The following EYS variants were observed in gnomAD, a reference collection of about 807,000 sequenced individuals.
EYS encodes the protein protein eyes shut homolog.
EYS carries 250 observed loss-of-function variants against 282.1 expected under a neutral mutation model. The observed-to-expected ratio is 0.89, with a 90% CI of 0.80 to 0.98. EYS has a LOEUF of 0.98. EYS is among the 50% of genes least tolerant of loss of function. The pLI is 0.00. For missense variants in EYS, 4,016 were observed against 3,709.0 expected, an observed-to-expected ratio of 1.08 and a Z score of -2.15; for synonymous variants, 1,355 against 1,282.9, an observed-to-expected ratio of 1.06 and a Z score of -1.20.
At chr6:64,106,656 G>A (rs939912203) in intron 31 of EYS, among the ~76,000 whole-genome samples, 1 of 151,852 alleles carries the variant, frequency 6.6e-6, no homozygotes, top group Non-Finnish European at 1.5e-5. Flanking sequence ...CTGTGTGTGT[G>A]TTTTTGGCAT....
chr6:64,201,646 A>T (rs963459406), intron 31 of EYS, among the ~76,000 whole-genome samples: 1 of 152,168 alleles, frequency 6.6e-6, no homozygotes, highest in African/African-American at 2.4e-5. Context: ...AATAGATGTT[A>T]CACCTATCTA....
chr6:64,199,013 A>G (rs1765383481), intron 31 of EYS, among the ~76,000 whole-genome samples: 2 of 152,068 alleles, frequency 1.3e-5, no homozygotes, highest in South Asian at 4.1e-4. Flanking sequence ...TTTAATGATC[A>G]CCATTCTAAC....
intron 30 of EYS, among the ~76,000 whole-genome samples, chr6:64,284,203 C>A (rs990353500): frequency 1.3e-5 from 2 of 152,120 alleles, no homozygotes; most frequent in African/African-American, 4.8e-5. Context: ...AAGTTACTTC[C>A]TAGGTTCAAT....
intron 12 of EYS, among the ~76,000 whole-genome samples, chr6:65,226,599 C>G (rs1766632140): frequency 6.6e-6 from 1 of 152,092 alleles, no homozygotes. Context: ...AGAACAACAA[C>G]AACCATAAAA....
chr6:65,063,978 T>C (rs2150161212), intron 12 of EYS, among the ~76,000 whole-genome samples: 1 of 151,586 alleles, frequency 6.6e-6, no homozygotes, highest in South Asian at 2.1e-4. Flanking sequence ...ATTATTAATG[T>C]AATACTTTGT....
intron 21 of EYS, among the ~76,000 whole-genome samples, chr6:64,813,859 C>G (rs772306151): frequency 2.0e-5 from 3 of 151,914 alleles, no homozygotes; most frequent in Non-Finnish European, 4.4e-5. Context: ...CCCCTGCCCC[C>G]AATAATGGTG....
At chr6:65,139,125 T>C (rs545111280) in intron 12 of EYS, among the ~76,000 whole-genome samples, 1 of 152,080 alleles carries the variant, frequency 6.6e-6, no homozygotes, top group African/African-American at 2.4e-5. Context: ...TAAAGACTCA[T>C]GCACACATAT....
chr6:64,862,199 G>A (rs1766261830), intron 19 of EYS, among the ~76,000 whole-genome samples: 1 of 152,090 alleles, frequency 6.6e-6, no homozygotes, highest in Admixed American at 6.5e-5. Flanking sequence ...AGGTGAGGTG[G>A]TCTTTCATTT....
intron 12 of EYS, among the ~76,000 whole-genome samples, chr6:65,181,355 T>C (rs545113402): frequency 5.8e-4 from 88 of 151,890 alleles, no homozygotes; most frequent in African/African-American, 1.8e-3. Flanking sequence ...TCAAACAAAT[T>C]TACAAGAAAA....
intron 41 of EYS, 37 bp downstream of exon 41, chr6:63,762,424 T>C: frequency 5.2e-6 from 8 of 1,540,122 alleles, no homozygotes; most frequent in Non-Finnish European, 7.0e-6. Flanking sequence ...TTTAGTTATA[T>C]TTGTGGACAG....
At chr6:63,860,011 C>T (rs1385114219) in intron 36 of EYS, among the ~76,000 whole-genome samples, 1 of 152,146 alleles carries the variant, frequency 6.6e-6, no homozygotes, top group Non-Finnish European at 1.5e-5. Context: ...GGCAAAGTCC[C>T]AGATGTTATT....
intron 37 of EYS, among the ~76,000 whole-genome samples, chr6:63,797,031 T>C (rs1770663450): frequency 2.0e-5 from 3 of 152,202 alleles, no homozygotes; most frequent in Non-Finnish European, 4.4e-5. Context: ...TGTGAAGATA[T>C]TTTTGCAGCC....
chr6:64,673,266 G>A (rs1056349697), intron 22 of EYS, among the ~76,000 whole-genome samples: 15 of 152,006 alleles, frequency 9.9e-5, no homozygotes, highest in Non-Finnish European at 1.9e-4. Context: ...ACACAGAAGC[G>A]ACTGTAACAA....
chr6:64,886,724 T>C lies in EYS; in HGVS notation c.2965A>G (p.Asn989Asp), dbSNP rs373223745. 3.2e-6 allele frequency: 5 copies of C among 1,546,534 alleles called. No homozygotes were observed. In the African/African-American group the frequency reaches 6.9e-5, roughly 21 times the overall value. ...ENCVYRTDGY[N>D]CLCAPGYTGI... ...GTATAACCAGGGGCACAGAGGCAGT[T>C]GTATCCATCAGTCCTGTAGACACAA... Residue 989 changes from asparagine to aspartate, a missense_variant, in exon 19 of 43, where the codon AAC (asparagine) becomes GAC (aspartate). Asn to Asp is a conservative substitution (Grantham distance 23). Transcript: ENST00000503581.
intron 8 of EYS, among the ~76,000 whole-genome samples, chr6:65,377,025 TAGTAGA>T (rs1355335221): frequency 6.6e-6 from 1 of 152,160 alleles, no homozygotes; most frequent in Non-Finnish European, 1.5e-5. Context: ...CAAGCAGCCC[TAGTAGA>T]TATCTACAGA....
At chr6:64,258,582 T>A (rs1767481122) in intron 30 of EYS, among the ~76,000 whole-genome samples, 1 of 152,060 alleles carries the variant, frequency 6.6e-6, no homozygotes, top group Non-Finnish European at 1.5e-5. Flanking sequence ...CCAGATGGAA[T>A]ATGACAGCTA....
At chr6:64,133,546 G>A (rs1009291420) in intron 31 of EYS, among the ~76,000 whole-genome samples, 7 of 150,818 alleles carry the variant, frequency 4.6e-5, no homozygotes, top group African/African-American at 1.2e-4. Flanking sequence ...GTTTAACTAT[G>A]TCAATAGTGC....
intron 22 of EYS, among the ~76,000 whole-genome samples, chr6:64,776,509 G>A (rs1017724244): frequency 2.0e-5 from 3 of 151,794 alleles, no homozygotes; most frequent in African/African-American, 7.3e-5. Flanking sequence ...TATCTGAAAG[G>A]CTTTCTATTC....
At chr6:64,430,714 C>T (rs375259548) in intron 28 of EYS, among the ~76,000 whole-genome samples, 2 of 152,182 alleles carry the variant, frequency 1.3e-5, no homozygotes, top group East Asian at 1.9e-4. Flanking sequence ...AAACCTTTTC[C>T]AGCTTCCCTT....
Sources: gnomAD v4.1 joint callset for allele counts (sites outside exome capture counted in the v4.1 genomes callset) on GRCh38, gnomAD v4.1.1 for gene constraint, MANE v1.5 for transcripts, NCBI Gene and HGNC (gene_info 2026-07-23, HGNC 2026-07-21) for gene names.